VPS54: variants seen among roughly 807,000 people sequenced by gnomAD.
The protein encoded by VPS54 is VPS54 subunit of GARP complex.
VPS54 carries 45 observed loss-of-function variants against 121.5 expected under a neutral mutation model. The observed-to-expected ratio is 0.37, with a 90% CI of 0.29 to 0.47. The LOEUF is 0.47. Among genes scored for constraint, VPS54 ranks in the 20% least tolerant of loss-of-function variants. VPS54 has a pLI of 0.99. For synonymous variants in VPS54, 371 were observed against 385.8 expected (o/e 0.96, Z 0.45); for missense variants, 1,090 against 1,131.4 (o/e 0.96, Z 0.52).
intron 10 of VPS54, among the ~76,000 whole-genome samples, chr2:63,944,279 A>G (rs534473710): frequency 1.1e-3 from 169 of 152,168 alleles, no homozygotes; most frequent in Middle Eastern, 6.8e-3. Flanking sequence ...GCCATTGAGG[A>G]GCCCTTACAA....
chr2:63,933,914 T>C lies in VPS54; in HGVS notation c.1498A>G (p.Lys500Glu), dbSNP rs144476273. The C allele has an allele frequency of 1.5e-5, 25 of 1,613,658 alleles. No individual in the cohort carries two copies. In the African/African-American group the frequency reaches 3.3e-4, roughly 22 times the overall value. The change falls in exon 12 of 23, where the codon AAA becomes GAA. Residue 500 changes from lysine (K) to glutamate (E), a missense_variant. Coordinates refer to ENST00000272322, the MANE Select transcript of VPS54 (RefSeq NM_016516.3). ...EEISQQKNAA[K>E]DNSLDTEVAY... is the part of the protein sequence containing the mutation. ...ACCTCTGTGTCCAGTGAATTATCTTTTGCAGCATTCTTCTGTTGTGAAATC... is the reference window on the plus strand; with the variant it reads ...ACCTCTGTGTCCAGTGAATTATCTTCTGCAGCATTCTTCTGTTGTGAAATC...
intron 7 of VPS54, among the ~76,000 whole-genome samples, chr2:63,957,891 G>C (rs780079632): frequency 3.9e-5 from 6 of 152,172 alleles, no homozygotes; most frequent in Admixed American, 6.5e-5. Context: ...TTAACCTCTA[G>C]AAAGTCTGAC....
chr2:64,001,386 A>G (rs528824171), intron 1 of VPS54, among the ~76,000 whole-genome samples: 5 of 152,250 alleles, frequency 3.3e-5, no homozygotes, highest in African/African-American at 1.2e-4. Flanking sequence ...GGTGATACCT[A>G]AGATACAAGA....
chr2:63,951,631 T>C (rs964032088), intron 7 of VPS54, among the ~76,000 whole-genome samples: 1 of 152,114 alleles, frequency 6.6e-6, no homozygotes. Flanking sequence ...GTGTGCAAGT[T>C]TGGATAAATT....
chr2:64,005,011 C>T (rs1678056623), intron 1 of VPS54, among the ~76,000 whole-genome samples: 1 of 148,958 alleles, frequency 6.7e-6, no homozygotes, highest in Admixed American at 6.7e-5. Context: ...CTCCTGGGCT[C>T]AGGCAGTCCT....
intron 1 of VPS54, among the ~76,000 whole-genome samples, chr2:63,984,581 AATT>A (rs1370809426): frequency 2.6e-5 from 4 of 152,222 alleles, no homozygotes; most frequent in Admixed American, 6.5e-5. Context: ...CTGTCATTGT[AATT>A]ATTACTATGA....
chr2:63,950,917 C>G (rs1484051534), intron 7 of VPS54, among the ~76,000 whole-genome samples: 1 of 152,114 alleles, frequency 6.6e-6, no homozygotes, highest in East Asian at 1.9e-4. Context: ...AGCTGCTTCT[C>G]CTATTATCAT....
At chr2:63,908,410 T>A (rs1044214750) in intron 20 of VPS54, among the ~76,000 whole-genome samples, 4 of 152,154 alleles carry the variant, frequency 2.6e-5, no homozygotes, top group African/African-American at 7.2e-5. Flanking sequence ...AGGCTGAGTA[T>A]GGGGAGTGAA....
chr2:63,970,236 C>T (rs10650017), intron 4 of VPS54, among the ~76,000 whole-genome samples: 14,577 of 80,542 alleles, frequency 0.18, 1,086 homozygotes, highest in Middle Eastern at 0.24. Flanking sequence ...CACACACACA[C>T]ATTCTAATAT....
intron 1 of VPS54, among the ~76,000 whole-genome samples, chr2:63,995,596 A>C (rs956592659): frequency 7.2e-5 from 11 of 152,364 alleles, no homozygotes; most frequent in Admixed American, 7.2e-4. Flanking sequence ...AATGACTGGC[A>C]AGCCAATTCC....
chr2:63,965,698 G>T, intron 6 of VPS54, 137 bp downstream of exon 6: 11 of 1,212,296 alleles, frequency 9.1e-6, no homozygotes, highest in Non-Finnish European at 1.1e-5. Context: ...AGTTAAGATT[G>T]GGAGGCTTAT....
chr2:63,984,014 A>G lies in VPS54; in HGVS notation c.-15T>C, dbSNP rs762033766. 16 of 1,592,502 alleles carry G rather than the reference A, an allele frequency of 1.0e-5. No individual in the cohort carries two copies. Among genetic ancestry groups the G allele is most frequent in the Non-Finnish European group, 1.4e-5 (16 of 1,166,048 alleles). ...CTTGAAGCCATTGCATAAAATCACC[A>G]CTCAACTGAAAATGAGTAAGAAATA... is the stretch of plus-strand genomic sequence containing the variant. On this transcript the variant is annotated 5_prime_UTR_variant, in exon 2 of 23. Coordinates refer to ENST00000272322, the MANE Select transcript of VPS54 (RefSeq NM_016516.3).
intron 15 of VPS54, among the ~76,000 whole-genome samples, chr2:63,919,120 A>G (rs991161405): frequency 2.0e-5 from 3 of 152,118 alleles, no homozygotes; most frequent in African/African-American, 4.8e-5. Context: ...TAGGACTATT[A>G]TAAATAAATT....
chr2:63,893,365 C>T lies in VPS54; in HGVS notation c.*65G>A. ...GGTTCAATTCTCGAATCACAGGCATCCAGATTTTCTTCATAACAAACACAT... is the reference window on the plus strand; with the variant it reads ...GGTTCAATTCTCGAATCACAGGCATTCAGATTTTCTTCATAACAAACACAT... On this transcript the variant is annotated 3_prime_UTR_variant, in exon 23 of 23. Coordinates refer to ENST00000272322, the MANE Select transcript of VPS54 (RefSeq NM_016516.3). 7.2e-7 allele frequency: 1 copy of T among 1,379,468 alleles called. No homozygotes were observed. Among genetic ancestry groups the T allele is most frequent in the Non-Finnish European group, 1.0e-6 (1 of 966,250 alleles). 85.5% of individuals were successfully genotyped at this position (1,379,468 alleles called of 1,614,324 possible).
chr2:63,923,545 A>T (rs1262322485), intron 12 of VPS54, among the ~76,000 whole-genome samples: 1 of 152,184 alleles, frequency 6.6e-6, no homozygotes, highest in Non-Finnish European at 1.5e-5. Flanking sequence ...TGAACAGATA[A>T]ACAAAATGTG....
At chr2:63,987,183 C>T (rs560379477) in intron 1 of VPS54, among the ~76,000 whole-genome samples, 6 of 152,268 alleles carry the variant, frequency 3.9e-5, no homozygotes, top group South Asian at 2.1e-4. Context: ...GCTTTCTTTT[C>T]GTTGTTTCAT....
At chr2:63,967,775 C>G (rs1676076039) in intron 5 of VPS54, among the ~76,000 whole-genome samples, 1 of 139,708 alleles carries the variant, frequency 7.2e-6, no homozygotes, top group Admixed American at 7.2e-5. Context: ...AAAGGGGTAG[C>G]AGAGGGATGA....
chr2:63,935,061 T>C lies in VPS54; in HGVS notation c.1399-1048A>G, dbSNP rs796971360. ...GATCTAAGCTAGTCCAATTAGTACATGGAACCACCACAATCTGAGCTTAAT... is the reference window on the plus strand; with the variant it reads ...GATCTAAGCTAGTCCAATTAGTACACGGAACCACCACAATCTGAGCTTAAT... On this transcript the variant is annotated intron_variant, in intron 11 of 22. Coordinates refer to ENST00000272322, the MANE Select transcript of VPS54 (RefSeq NM_016516.3). Among the ~76,000 whole-genome samples, 7 of 152,244 alleles carry C rather than the reference T, an allele frequency of 4.6e-5. 1 individual carries two copies. The highest frequency in any genetic ancestry group is 1.9e-4 in the East Asian group (1 of 5,166).
intron 9 of VPS54, among the ~76,000 whole-genome samples, chr2:63,945,569 G>A (rs1674941155): frequency 6.6e-6 from 1 of 151,972 alleles, no homozygotes; most frequent in Non-Finnish European, 1.5e-5. Context: ...GGCTCTTACT[G>A]GCTACAATAA....
Sources: gnomAD v4.1 joint callset for allele counts (sites outside exome capture counted in the v4.1 genomes callset) on GRCh38, gnomAD v4.1.1 for gene constraint, MANE v1.5 for transcripts, NCBI Gene and HGNC (gene_info 2026-07-23, HGNC 2026-07-21) for gene names.